RANBP17: variants seen among roughly 807,000 people sequenced by gnomAD.
The protein encoded by RANBP17 is RAN binding protein 17.
A neutral mutation model predicts 141.2 loss-of-function variants in RANBP17; 158 were observed. The observed-to-expected ratio is 1.12, with a 90% CI of 0.98 to 1.28. RANBP17 has a LOEUF of 1.28. Ranked by LOEUF, RANBP17 falls within the 50% of genes most tolerant of loss-of-function variation. The pLI is 0.00. For missense variants in RANBP17, 1,438 were observed against 1,290.7 expected (o/e 1.11, Z -1.75); for synonymous variants, 430 against 450.0 (o/e 0.96, Z 0.56).
intron 14 of RANBP17, among the ~76,000 whole-genome samples, chr5:171,131,747 T>C (rs1334259020): frequency 6.6e-6 from 1 of 152,212 alleles, no homozygotes; most frequent in East Asian, 1.9e-4. Context: ...TGCTGACAGC[T>C]CAGCATTTAG....
chr5:170,988,650 A>G (rs1164623819), intron 14 of RANBP17, among the ~76,000 whole-genome samples: 1 of 151,706 alleles, frequency 6.6e-6, no homozygotes, highest in Non-Finnish European at 1.5e-5. Context: ...ACAAATATGC[A>G]TATTTTCCCT....
chr5:171,076,949 G>A (rs1026809933), intron 14 of RANBP17, among the ~76,000 whole-genome samples: 1 of 152,066 alleles, frequency 6.6e-6, no homozygotes, highest in Non-Finnish European at 1.5e-5. Flanking sequence ...GAAGGAGGAA[G>A]GAATGAGAAT....
At position 171,130,563 on chromosome 5, in the gene RANBP17, A is replaced by G. The variant is rs1341868123; in HGVS notation, c.1711-39567A>G. ...GCGATTCTCCTGCCTCAGCCTCCCA[A>G]GTAGCTGGGACTACAGGCATGCGCC... On this transcript the variant is annotated intron_variant, in intron 14 of 27. Transcript: ENST00000523189. Among the ~76,000 whole-genome samples, 22 of 148,800 alleles carry G rather than the reference A, an allele frequency of 1.5e-4. No individual in the cohort carries two copies. In the Admixed American group the frequency reaches 1.5e-3, roughly 10 times the overall value.
chr5:171,212,648 G>A (rs989727704), intron 20 of RANBP17, among the ~76,000 whole-genome samples: 1 of 152,056 alleles, frequency 6.6e-6, no homozygotes, highest in African/African-American at 2.4e-5. Context: ...ATTTCTACCC[G>A]GACCACACTG....
intron 14 of RANBP17, among the ~76,000 whole-genome samples, chr5:171,148,432 G>C (rs1044321721): frequency 6.6e-6 from 1 of 151,918 alleles, no homozygotes; most frequent in Admixed American, 6.6e-5. Context: ...GATATTAAAT[G>C]ACTTTAATTA....
chr5:170,974,475 A>G lies in RANBP17; in HGVS notation c.1710+6098A>G, dbSNP rs1777219078. On this transcript the variant is annotated intron_variant, in intron 14 of 27. Transcript: ENST00000523189. The stretch of plus-strand genomic sequence containing the variant: ...CAAGGCTCTAGGTGGTAGAGTTCTC[A>G]TATACTGGAGTTGGGTGCTTGCTGC... 1.3e-5 allele frequency among the ~76,000 whole-genome samples: 2 copies of G among 152,174 alleles called. 1 individual carries two copies. The highest frequency in any genetic ancestry group is 4.8e-5 in the African/African-American group (2 of 41,452).
At chr5:171,073,803 G>A (rs1458005951) in intron 14 of RANBP17, among the ~76,000 whole-genome samples, 1 of 151,808 alleles carries the variant, frequency 6.6e-6, no homozygotes, top group Non-Finnish European at 1.5e-5. Context: ...GATGAGCCTG[G>A]AGTATCTTAT....
At chr5:171,239,060 A>G (rs1262793968) in intron 22 of RANBP17, among the ~76,000 whole-genome samples, 6 of 152,202 alleles carry the variant, frequency 3.9e-5, no homozygotes, top group African/African-American at 1.4e-4. Flanking sequence ...TAGCTGTTAA[A>G]TAAATGCTGT....
intron 13 of RANBP17, among the ~76,000 whole-genome samples, chr5:170,955,580 G>GTATA (rs1775582169): frequency 2.7e-4 from 11 of 40,592 alleles, no homozygotes; most frequent in South Asian, 2.2e-3. Context: ...CTCAGTCTGT[G>GTATA]TGTATATATA....
At chr5:170,922,464 G>C (rs939359720) in intron 11 of RANBP17, among the ~76,000 whole-genome samples, 1 of 152,142 alleles carries the variant, frequency 6.6e-6, no homozygotes, top group Admixed American at 6.5e-5. Flanking sequence ...GCTGAGCTGC[G>C]GTGGGCTCTG....
At chr5:171,218,280 T>C (rs1433420068) in intron 21 of RANBP17, among the ~76,000 whole-genome samples, 5 of 152,230 alleles carry the variant, frequency 3.3e-5, no homozygotes, top group Non-Finnish European at 7.3e-5. Flanking sequence ...TCTGTTCATT[T>C]GCATTTGCTG....
At chr5:171,297,842 A>C (rs912937938) in intron 27 of RANBP17, among the ~76,000 whole-genome samples, 5 of 142,846 alleles carry the variant, frequency 3.5e-5, no homozygotes, top group African/African-American at 1.3e-4. Flanking sequence ...TGACCCAATA[A>C]ATTCTTTTTT....
chr5:170,953,024 C>T (rs1407510873), intron 12 of RANBP17, among the ~76,000 whole-genome samples: 1 of 151,998 alleles, frequency 6.6e-6, no homozygotes, highest in Non-Finnish European at 1.5e-5. Context: ...TTAACTCTAC[C>T]ATCAAACAAT....
intron 3 of RANBP17, among the ~76,000 whole-genome samples, chr5:170,889,780 C>T (rs1769448740): frequency 6.6e-6 from 1 of 152,166 alleles, no homozygotes; most frequent in East Asian, 1.9e-4. Context: ...TGTTGTTCTC[C>T]CATGTATCTT....
intron 14 of RANBP17, among the ~76,000 whole-genome samples, chr5:171,107,590 C>G (rs1379521846): frequency 1.3e-5 from 2 of 152,112 alleles, no homozygotes; most frequent in East Asian, 3.9e-4. Flanking sequence ...AATCTACATG[C>G]AAATTAAAGA....
chr5:171,088,031 C>T (rs1325487141), intron 14 of RANBP17, among the ~76,000 whole-genome samples: 7 of 149,812 alleles, frequency 4.7e-5, no homozygotes, highest in African/African-American at 9.8e-5. Context: ...TGATTTTGCT[C>T]GTTAGTTGAT....
chr5:171,116,042 A>G (rs1230776182), intron 14 of RANBP17, among the ~76,000 whole-genome samples: 1 of 152,168 alleles, frequency 6.6e-6, no homozygotes, highest in African/African-American at 2.4e-5. Context: ...GAATTTATAA[A>G]TGTTGTATAG....
intron 24 of RANBP17, among the ~76,000 whole-genome samples, chr5:171,248,401 T>G (rs926643402): frequency 6.6e-6 from 1 of 150,786 alleles, no homozygotes; most frequent in Non-Finnish European, 1.5e-5. Flanking sequence ...CAGGAAACAT[T>G]TAAGGCACAG....
intron 14 of RANBP17, among the ~76,000 whole-genome samples, chr5:171,103,002 C>T (rs951540170): frequency 2.0e-5 from 3 of 152,152 alleles, no homozygotes; most frequent in East Asian, 1.9e-4. Context: ...CGGCCAGATG[C>T]GAGCCGGAGC....
Sources: gnomAD v4.1 joint callset for allele counts (sites outside exome capture counted in the v4.1 genomes callset) on GRCh38, gnomAD v4.1.1 for gene constraint, MANE v1.5 for transcripts, NCBI Gene and HGNC (gene_info 2026-07-23, HGNC 2026-07-21) for gene names.